The following RBM20 variants were observed in gnomAD, a reference collection of about 807,000 sequenced individuals.
RBM20 encodes RNA-binding protein 20.
A neutral mutation model predicts 110.1 loss-of-function variants in RBM20; 51 were observed. The ratio of observed to expected loss-of-function variants is 0.46; its 90% CI spans 0.37 to 0.59. The LOEUF (loss-of-function observed/expected upper bound fraction) is 0.59, where lower values mean the gene tolerates loss of function less well. RBM20 is among the 20% of genes least tolerant of loss of function. The pLI, the probability that RBM20 is intolerant of heterozygous loss-of-function variation, is 0.00. For synonymous variants in RBM20, 589 were observed against 618.2 expected, an observed-to-expected ratio of 0.95 and a Z score of 0.70; for missense variants, 1,512 against 1,574.9, an observed-to-expected ratio of 0.96 and a Z score of 0.68.
At chr10:110,730,563 C>T (rs138780221) in intron 1 of RBM20, among the ~76,000 whole-genome samples, 42 of 152,352 alleles carry the variant, frequency 2.8e-4, no homozygotes, top group Admixed American at 4.6e-4. Context: ...GTGCTATTGA[C>T]ATTGTGGCCT....
intron 1 of RBM20, among the ~76,000 whole-genome samples, chr10:110,777,477 C>G (rs1250004592): frequency 6.6e-6 from 1 of 152,292 alleles, no homozygotes; most frequent in East Asian, 1.9e-4. Context: ...AGCAGGTGCT[C>G]AGCTCTGATG....
chr10:110,835,035 C>G (rs1165828918), intron 13 of RBM20: 1 of 152,266 alleles, frequency 6.6e-6, no homozygotes. Context: ...CTAGCCTGCC[C>G]TGACAGGAAA....
rs1210391645 is a variant in RBM20 at position 110,837,664 on chromosome 10, G to A, written c.*1686G>A. On this transcript the variant is annotated 3_prime_UTR_variant, in exon 14 of 14. Coordinates refer to ENST00000369519, the MANE Select transcript of RBM20 (RefSeq NM_001134363.3). ...GGAAGGGCAGAGAGATTAGTTCAAGGCTAACATTTTATATCAGGTAACTGA... is the reference window on the plus strand; with the variant it reads ...GGAAGGGCAGAGAGATTAGTTCAAGACTAACATTTTATATCAGGTAACTGA... 6.6e-6 allele frequency: 1 copy of A among 152,190 alleles called. No homozygotes were observed. Among genetic ancestry groups the A allele is most frequent in the East Asian group, 1.9e-4 (1 of 5,200 alleles). The allele number at this position is 152,190 out of a possible 1,614,324, so 9.4% of individuals were successfully genotyped here.
chr10:110,710,422 C>T (rs1862907418), intron 1 of RBM20, among the ~76,000 whole-genome samples: 2 of 152,228 alleles, frequency 1.3e-5, no homozygotes, highest in Admixed American at 1.3e-4. Flanking sequence ...AGGAGGTAGG[C>T]CCTGCTGCCA....
chr10:110,823,386 A>G (rs2135125169), intron 11 of RBM20, 94 bp from the exon 12 acceptor site: 3 of 1,424,374 alleles, frequency 2.1e-6, no homozygotes, highest in East Asian at 2.5e-5. Flanking sequence ...CAATCATACT[A>G]TGCAGGCATA....
At chr10:110,741,726 C>A (rs882531) in intron 1 of RBM20, among the ~76,000 whole-genome samples, 14,176 of 152,042 alleles carry the variant, frequency 0.093, 843 homozygotes, top group Non-Finnish European at 0.13. Flanking sequence ...CCCCTGCCCC[C>A]CATCACCTGG....
intron 7 of RBM20, among the ~76,000 whole-genome samples, chr10:110,809,218 T>TAAAAAATAAAAAAAAAAAAAAA (rs1844733150): frequency 1.6e-5 from 1 of 60,690 alleles, no homozygotes; most frequent in Non-Finnish European, 3.5e-5. Flanking sequence ...CCCCGTTTCT[T>TAAAAAATAAAAAAAAAAAAAAA]AAAAAAAAAA....
At chr10:110,649,056 G>T (rs560535161) in intron 1 of RBM20, among the ~76,000 whole-genome samples, 1 of 151,702 alleles carries the variant, frequency 6.6e-6, no homozygotes, top group Non-Finnish European at 1.5e-5. Context: ...TACCTCCTTC[G>T]CAGTTTATCT....
chr10:110,738,568 G>A (rs994307360), intron 1 of RBM20, among the ~76,000 whole-genome samples: 10 of 152,124 alleles, frequency 6.6e-5, no homozygotes, highest in African/African-American at 9.7e-5. Context: ...GGGAGCTTAC[G>A]AAACGGTGCA....
chr10:110,772,068 C>T (rs1844201191), intron 1 of RBM20, among the ~76,000 whole-genome samples: 1 of 151,998 alleles, frequency 6.6e-6, no homozygotes, highest in Middle Eastern at 3.2e-3. Flanking sequence ...AGAAGTCAAA[C>T]CAGCTTCCTC....
chr10:110,696,444 T>C (rs964081962), intron 1 of RBM20, among the ~76,000 whole-genome samples: 17 of 152,318 alleles, frequency 1.1e-4, no homozygotes, highest in Non-Finnish European at 2.2e-4. Flanking sequence ...GATTGAGCTG[T>C]CACGTCAGAC....
intron 13 of RBM20, among the ~76,000 whole-genome samples, chr10:110,833,496 T>C (rs538979565): frequency 2.6e-5 from 4 of 151,738 alleles, no homozygotes; most frequent in South Asian, 4.2e-4. Flanking sequence ...ACCATCCTTA[T>C]ATCAGGCTCT....
intron 1 of RBM20, among the ~76,000 whole-genome samples, chr10:110,768,057 G>A (rs974825177): frequency 1.3e-5 from 2 of 152,186 alleles, no homozygotes; most frequent in Non-Finnish European, 2.9e-5. Flanking sequence ...GCGAAACCCC[G>A]TCTCCACCAA....
chr10:110,658,842 T>C (rs1028598756), intron 1 of RBM20, among the ~76,000 whole-genome samples: 3 of 152,096 alleles, frequency 2.0e-5, no homozygotes, highest in Non-Finnish European at 2.9e-5. Flanking sequence ...TTCTGAATTC[T>C]GCTTAGACCT....
intron 1 of RBM20, among the ~76,000 whole-genome samples, chr10:110,715,203 G>A (rs372264526): frequency 6.0e-4 from 92 of 152,236 alleles, no homozygotes; most frequent in South Asian, 1.2e-3. Context: ...AGTCAAGATC[G>A]CACCACTGCA....
intron 1 of RBM20, among the ~76,000 whole-genome samples, chr10:110,668,887 TA>T (rs74542918): frequency 1.5e-3 from 214 of 141,496 alleles, no homozygotes; most frequent in South Asian, 3.4e-3. Flanking sequence ...GTATAACAAT[TA>T]AAAAAAAAAA....
rs149039932 is a variant in RBM20 at position 110,773,625 on chromosome 10, A to G, written c.192-7176A>G. Among the ~76,000 whole-genome samples, 1,252 of 152,342 alleles carry G rather than the reference A, an allele frequency of 8.2e-3. 13 individuals carry two copies. The highest frequency in any genetic ancestry group is 0.029 in the African/African-American group (1,188 of 41,588). On this transcript the variant is annotated intron_variant, in intron 1 of 13. Coordinates refer to ENST00000369519, the MANE Select transcript of RBM20 (RefSeq NM_001134363.3). ...AGAAGGATGGAAAGAAAACTATACTATGGGACTCGTTAGTTAAGTTGACAT... is the reference window on the plus strand; with the variant it reads ...AGAAGGATGGAAAGAAAACTATACTGTGGGACTCGTTAGTTAAGTTGACAT...
intron 1 of RBM20, among the ~76,000 whole-genome samples, chr10:110,758,779 G>A (rs897472085): frequency 7.2e-5 from 11 of 152,132 alleles, no homozygotes; most frequent in Non-Finnish European, 1.2e-4. Flanking sequence ...GAAAAATGTG[G>A]CAAATAGCTA....
intron 1 of RBM20, among the ~76,000 whole-genome samples, chr10:110,753,701 T>A (rs1356940061): frequency 2.0e-5 from 3 of 152,228 alleles, no homozygotes. Context: ...CCTTTGATTC[T>A]GGAAGGCAGA....
Sources: allele counts gnomAD v4.1 joint callset (sites outside exome capture counted in the v4.1 genomes callset), GRCh38; gene constraint gnomAD v4.1.1; transcripts MANE v1.5; gene names NCBI Gene and HGNC (gene_info 2026-07-23, HGNC 2026-07-21).